The following BICDL1 variants were observed in gnomAD, a reference collection of about 807,000 sequenced individuals.
The protein encoded by BICDL1 is BICD family-like cargo adapter 1.
BICDL1 carries 20 observed loss-of-function variants against 76.8 expected under a neutral mutation model. The ratio of observed to expected loss-of-function variants is 0.26; its 90% CI spans 0.18 to 0.38. BICDL1 has a LOEUF of 0.38. Among genes scored for constraint, BICDL1 ranks in the 10% least tolerant of loss-of-function variants. The pLI, the probability that BICDL1 is intolerant of heterozygous loss-of-function variation, is 1.00. For missense variants in BICDL1, 700 were observed against 798.6 expected (o/e 0.88, Z 1.49); for synonymous variants, 383 against 337.1 (o/e 1.14, Z -1.49).
chr12:120,092,893 TCA>T (rs1875104319), intron 9 of BICDL1, 105 bp from the exon 10 acceptor site: 17 of 1,469,170 alleles, frequency 1.2e-5, no homozygotes, highest in Non-Finnish European at 1.5e-5. Context: ...CTCTCACTCA[TCA>T]CATTCTCATC....
chr12:119,990,612 A>G (rs1951500843), intron 1 of BICDL1, among the ~76,000 whole-genome samples: 1 of 152,226 alleles, frequency 6.6e-6, no homozygotes, highest in Non-Finnish European at 1.5e-5. Context: ...GTCTGCATAC[A>G]GAGAAATGAG....
chr12:120,065,064 G>A (rs1456062730), intron 4 of BICDL1, among the ~76,000 whole-genome samples, 185 bp downstream of exon 4: 2 of 152,236 alleles, frequency 1.3e-5, no homozygotes, highest in African/African-American at 2.4e-5. Flanking sequence ...TAAAGGAAGT[G>A]CACTGCTACC....
intron 4 of BICDL1, among the ~76,000 whole-genome samples, chr12:120,070,500 A>G (rs1342029292): frequency 6.6e-6 from 1 of 152,250 alleles, no homozygotes; most frequent in Non-Finnish European, 1.5e-5. Context: ...TCAGAATTTA[A>G]TAAGTTCATC....
chr12:119,990,342 A>G (rs1462676741), intron 1 of BICDL1, 45 bp downstream of exon 1: 1 of 1,542,546 alleles, frequency 6.5e-7, no homozygotes, highest in Admixed American at 2.0e-5. Context: ...GGGGCCGCCC[A>G]GGCACGCGCC....
chr12:120,055,929 A>T (rs552234483), intron 2 of BICDL1, among the ~76,000 whole-genome samples: 1 of 152,354 alleles, frequency 6.6e-6, no homozygotes, highest in Non-Finnish European at 1.5e-5. Flanking sequence ...ACTTATGGAA[A>T]ATTACCCACA....
At chr12:120,025,101 G>A (rs1162583343) in intron 2 of BICDL1, among the ~76,000 whole-genome samples, 1 of 148,066 alleles carries the variant, frequency 6.8e-6, no homozygotes, top group East Asian at 2.0e-4. Context: ...CCAGGCTGGA[G>A]TGCAGTGGCG....
chr12:119,993,635 G>A (rs1387718635), intron 1 of BICDL1, among the ~76,000 whole-genome samples: 1 of 102,382 alleles, frequency 9.8e-6, no homozygotes. Flanking sequence ...TTTTTTTTTT[G>A]AGACAGAGTC....
At chr12:120,024,970 A>C (rs1594131129) in intron 2 of BICDL1, among the ~76,000 whole-genome samples, 1 of 150,702 alleles carries the variant, frequency 6.6e-6, no homozygotes, top group African/African-American at 2.4e-5. Context: ...GAGCCACCGC[A>C]CCCAGCCAAG....
In BICDL1 at chr12:119,989,796, C is replaced by A; in HGVS notation, c.-73C>A. 1 of 672,784 alleles carries A rather than the reference C, an allele frequency of 1.5e-6. No homozygotes were observed. The highest frequency in any genetic ancestry group is 1.8e-6 in the Non-Finnish European group (1 of 542,858). 41.7% of individuals were successfully genotyped at this position (672,784 alleles called of 1,614,324 possible). On this transcript the variant is annotated 5_prime_UTR_variant, in exon 1 of 10. Coordinates refer to ENST00000548673, the MANE Select transcript of BICDL1 (RefSeq NM_001367886.1). ...AGGCGCGGGACGCGGGGCGGCGCGG[C>A]AGGGCCCCTCCCCCCTGCAGCCTGG... is the stretch of plus-strand genomic sequence containing the variant.
intron 1 of BICDL1, among the ~76,000 whole-genome samples, chr12:119,991,959 A>AT (rs1229937211): frequency 6.6e-6 from 1 of 152,234 alleles, no homozygotes; most frequent in East Asian, 1.9e-4. Flanking sequence ...TCTTTAAACT[A>AT]TTTTTTAAAA....
chr12:120,081,876 C>T (rs1388763280), intron 8 of BICDL1, among the ~76,000 whole-genome samples: 2 of 148,620 alleles, frequency 1.3e-5, no homozygotes, highest in African/African-American at 5.0e-5. Flanking sequence ...AATCACAAGA[C>T]ATAGTGTCAT....
intron 2 of BICDL1, among the ~76,000 whole-genome samples, chr12:120,009,362 T>TG (rs543885491): frequency 2.4e-4 from 37 of 152,330 alleles, no homozygotes; most frequent in African/African-American, 7.7e-4. Flanking sequence ...GGGCTACAAG[T>TG]ATCTAGTTCT....
At chr12:120,083,631 A>G (rs1874165464) in intron 8 of BICDL1, among the ~76,000 whole-genome samples, 4 of 63,288 alleles carry the variant, frequency 6.3e-5, no homozygotes, top group Admixed American at 5.0e-4. Flanking sequence ...TAATAGTAGT[A>G]TTTATTTATT....
At chr12:120,017,696 T>C (rs1952094254) in intron 2 of BICDL1, among the ~76,000 whole-genome samples, 1 of 151,918 alleles carries the variant, frequency 6.6e-6, no homozygotes, top group Admixed American at 6.6e-5. Flanking sequence ...TACACCACTG[T>C]ACTCCAGCCT....
chr12:120,073,302 C>T (rs1344144591), intron 6 of BICDL1, among the ~76,000 whole-genome samples: 2 of 152,222 alleles, frequency 1.3e-5, no homozygotes, highest in Non-Finnish European at 2.9e-5. Flanking sequence ...TAGTGATGTA[C>T]AGACAATGGC....
chr12:120,040,657 C>G (rs1333665378), intron 2 of BICDL1, among the ~76,000 whole-genome samples: 2 of 152,114 alleles, frequency 1.3e-5, no homozygotes, highest in African/African-American at 4.8e-5. Flanking sequence ...CTCAAGCCAT[C>G]TGTCAGCCGC....
chr12:120,064,353 T>C (rs1375664446), intron 3 of BICDL1, among the ~76,000 whole-genome samples: 1 of 151,990 alleles, frequency 6.6e-6, no homozygotes, highest in East Asian at 1.9e-4. Context: ...GGAGGAGAAG[T>C]AGTGCAGCAG....
Position 119,989,762 on chromosome 12 carries a change from C to T in BICDL1, c.-107C>T. On this transcript the variant is annotated 5_prime_UTR_variant, in exon 1 of 10. Coordinates refer to ENST00000548673, the MANE Select transcript of BICDL1 (RefSeq NM_001367886.1). ...GGGGACCCGGGGGCGCGTGCCGCGGCGCGAGGCGAGGCGCGGGACGCGGGG... is the reference window on the plus strand; with the variant it reads ...GGGGACCCGGGGGCGCGTGCCGCGGTGCGAGGCGAGGCGCGGGACGCGGGG... 5.3e-6 allele frequency: 2 copies of T among 373,910 alleles called. No individual in the cohort carries two copies. The highest frequency in any genetic ancestry group is 7.3e-6 in the Non-Finnish European group (2 of 275,066). 23.2% of individuals were successfully genotyped at this position (373,910 alleles called of 1,614,324 possible). A position where few individuals can be genotyped will look rare whatever the true frequency, so the allele number is the denominator to read the frequency against.
At chr12:120,039,254 G>A (rs979631192) in intron 2 of BICDL1, among the ~76,000 whole-genome samples, 5 of 151,958 alleles carry the variant, frequency 3.3e-5, no homozygotes, top group Admixed American at 6.6e-5. Context: ...CCAAGATAGC[G>A]CCACTGCACT....
Sources: gnomAD v4.1 joint callset for allele counts (sites outside exome capture counted in the v4.1 genomes callset) on GRCh38, gnomAD v4.1.1 for gene constraint, MANE v1.5 for transcripts, NCBI Gene and HGNC (gene_info 2026-07-23, HGNC 2026-07-21) for gene names.